RNGTT: variants seen among roughly 807,000 people sequenced by gnomAD.
The protein encoded by RNGTT is RNA guanylyltransferase and 5'-phosphatase, also known as mRNA-capping enzyme.
A neutral mutation model predicts 79.3 loss-of-function variants in RNGTT; 33 were observed. The ratio of observed to expected loss-of-function variants is 0.42; its 90% CI spans 0.32 to 0.56. The LOEUF is 0.56. Among genes scored for constraint, RNGTT ranks in the 20% least tolerant of loss-of-function variants. The pLI is 0.17. For synonymous variants in RNGTT, 222 were observed against 235.9 expected, an observed-to-expected ratio of 0.94 and a Z score of 0.54; for missense variants, 497 against 739.1, an observed-to-expected ratio of 0.67 and a Z score of 3.80.
At chr6:88,930,156 A>G (rs1043930563) in intron 2 of RNGTT, among the ~76,000 whole-genome samples, 2 of 148,284 alleles carry the variant, frequency 1.3e-5, no homozygotes, top group African/African-American at 4.9e-5. Context: ...ATACGTACAT[A>G]CATATATACA....
chr6:88,658,441 C>T (rs1774062599), intron 14 of RNGTT, among the ~76,000 whole-genome samples: 1 of 152,202 alleles, frequency 6.6e-6, no homozygotes, highest in African/African-American at 2.4e-5. Flanking sequence ...AGACACTCCC[C>T]AGCACTAGCC....
intron 11 of RNGTT, among the ~76,000 whole-genome samples, chr6:88,805,443 G>T (rs989473951): frequency 6.6e-6 from 1 of 152,158 alleles, no homozygotes; most frequent in Non-Finnish European, 1.5e-5. Context: ...GGGCACAGAC[G>T]TTAAAACCCT....
chr6:88,612,612 T>C lies in RNGTT; in HGVS notation c.*107A>G. ...TTTTTAAAAAAAATTCAAATGTGTA[T>C]CAACATCAAGCCACAGTCGTTTTTC... On this transcript the variant is annotated 3_prime_UTR_variant, in exon 16 of 16. Transcript: ENST00000369485. 8.1e-7 allele frequency: 1 copy of C among 1,232,120 alleles called. No individual in the cohort carries two copies. Among genetic ancestry groups the C allele is most frequent in the South Asian group, 1.5e-5 (1 of 68,490 alleles). The allele number at this position is 1,232,120 out of a possible 1,614,324, so 76.3% of individuals were successfully genotyped here. A position where few individuals can be genotyped will look rare whatever the true frequency, so the allele number is the denominator to read the frequency against.
chr6:88,818,743 T>C (rs1007390376), intron 11 of RNGTT, among the ~76,000 whole-genome samples: 1 of 152,216 alleles, frequency 6.6e-6, no homozygotes, highest in African/African-American at 2.4e-5. Flanking sequence ...GCAAAAGCCA[T>C]AATCAACAAG....
intron 13 of RNGTT, among the ~76,000 whole-genome samples, chr6:88,730,400 C>T (rs1380470384): frequency 6.6e-6 from 1 of 152,192 alleles, no homozygotes; most frequent in African/African-American, 2.4e-5. Flanking sequence ...GACACAGCAG[C>T]AGGGGCCACA....
chr6:88,873,794 G>T (rs967751264), intron 8 of RNGTT, among the ~76,000 whole-genome samples: 1 of 152,052 alleles, frequency 6.6e-6, no homozygotes, highest in Non-Finnish European at 1.5e-5. Flanking sequence ...AGGCAAAAAA[G>T]AAATTTTTAC....
At chr6:88,614,219 C>T in intron 15 of RNGTT, 53 bp downstream of exon 15, 1 of 1,587,372 alleles carries the variant, frequency 6.3e-7, no homozygotes, top group Non-Finnish European at 8.6e-7. Flanking sequence ...TTGGGTCTAA[C>T]ACCTTAATTT....
chr6:88,671,054 T>G (rs565389659), intron 14 of RNGTT, among the ~76,000 whole-genome samples: 2 of 152,302 alleles, frequency 1.3e-5, no homozygotes, highest in South Asian at 4.1e-4. Flanking sequence ...AAGACAATGA[T>G]GCCCACTTTC....
At chr6:88,629,247 C>G (rs1054724758) in intron 14 of RNGTT, among the ~76,000 whole-genome samples, 3 of 152,146 alleles carry the variant, frequency 2.0e-5, no homozygotes, top group African/African-American at 7.2e-5. Flanking sequence ...ACTGATTTAT[C>G]AGCATTATTT....
At chr6:88,746,871 G>C (rs943946603) in intron 13 of RNGTT, among the ~76,000 whole-genome samples, 4 of 152,096 alleles carry the variant, frequency 2.6e-5, no homozygotes, top group Non-Finnish European at 5.9e-5. Context: ...CCAACTCTTG[G>C]GGCACAACAC....
Position 88,818,038 on chromosome 6 carries a change from C to A in RNGTT, c.1270-16406G>T, listed in dbSNP as rs554366540. On this transcript the variant is annotated intron_variant, in intron 11 of 15. Transcript: ENST00000369485. ...CCTCCCAAAGTGCTAGGATTACAGG[C>A]GTGAGCCACCGCGCCCGGCCTATTC... is the stretch of plus-strand genomic sequence containing the variant. 1.4e-4 allele frequency among the ~76,000 whole-genome samples: 22 copies of A among 151,830 alleles called. No individual in the cohort carries two copies. The East Asian group carries it at 2.0e-3, about 14-fold the overall frequency.
chr6:88,673,214 T>C (rs1049365304), intron 14 of RNGTT, among the ~76,000 whole-genome samples: 4 of 152,190 alleles, frequency 2.6e-5, no homozygotes, highest in Admixed American at 6.6e-5. Flanking sequence ...TTTCATATCC[T>C]GATTTAATTT....
At chr6:88,814,174 A>T (rs527410464) in intron 11 of RNGTT, among the ~76,000 whole-genome samples, 11 of 152,142 alleles carry the variant, frequency 7.2e-5, no homozygotes, top group South Asian at 2.1e-4. Context: ...GTAAGATTTT[A>T]AAAAAAAGCT....
intron 13 of RNGTT, among the ~76,000 whole-genome samples, chr6:88,682,118 T>C (rs1421506243): frequency 1.3e-5 from 2 of 152,168 alleles, no homozygotes; most frequent in African/African-American, 2.4e-5. Flanking sequence ...TCACCCAATA[T>C]TGATGATACA....
rs558838259 is a variant in RNGTT, at chr6:88,857,304, C to T, written c.897-3540G>A. On this transcript the variant is annotated intron_variant, in intron 8 of 15. Coordinates refer to ENST00000369485, the MANE Select transcript of RNGTT (RefSeq NM_003800.5). ...CCCAGTAGTCTGAGAGTAAAATGGTCGTTAAACTCCTGGTAATTTAAAGTT... is the reference window on the plus strand; with the variant it reads ...CCCAGTAGTCTGAGAGTAAAATGGTTGTTAAACTCCTGGTAATTTAAAGTT... Among the ~76,000 whole-genome samples, 11 of 152,216 alleles carry T rather than the reference C, an allele frequency of 7.2e-5. No individual in the cohort carries two copies. In the East Asian group the frequency reaches 1.3e-3, roughly 19 times the overall value.
chr6:88,747,219 T>A (rs908192144), intron 13 of RNGTT, among the ~76,000 whole-genome samples: 4 of 152,204 alleles, frequency 2.6e-5, no homozygotes, highest in Non-Finnish European at 4.4e-5. Context: ...GGAATGGTGA[T>A]ATCTATCACA....
At chr6:88,835,730 T>C (rs1326387334) in intron 11 of RNGTT, among the ~76,000 whole-genome samples, 2 of 152,122 alleles carry the variant, frequency 1.3e-5, no homozygotes, top group Admixed American at 6.6e-5. Flanking sequence ...AAACATCTAC[T>C]AAAATGCCTA....
chr6:88,767,700 A>C (rs970047016), intron 13 of RNGTT, among the ~76,000 whole-genome samples: 4 of 146,946 alleles, frequency 2.7e-5, no homozygotes, highest in Admixed American at 1.3e-4. Context: ...AAAAAAAAAA[A>C]AAAACAGCGT....
chr6:88,902,017 A>G (rs1783486792), intron 6 of RNGTT, among the ~76,000 whole-genome samples: 1 of 152,056 alleles, frequency 6.6e-6, no homozygotes, highest in Non-Finnish European at 1.5e-5. Flanking sequence ...TACCTAACCA[A>G]TAATAGCTGT....
Sources: gnomAD v4.1 joint callset for allele counts (sites outside exome capture counted in the v4.1 genomes callset) on GRCh38, gnomAD v4.1.1 for gene constraint, MANE v1.5 for transcripts, NCBI Gene and HGNC (gene_info 2026-07-23, HGNC 2026-07-21) for gene names.